KCND2: variants seen among roughly 807,000 people sequenced by gnomAD.
KCND2 encodes potassium voltage-gated channel subfamily D member 2.
In KCND2, 16 loss-of-function variants were observed where a neutral mutation model predicts 54.4. The ratio of observed to expected loss-of-function variants is 0.29; its 90% CI spans 0.20 to 0.45. The LOEUF (loss-of-function observed/expected upper bound fraction) is 0.45. Ranked by LOEUF, KCND2 falls within the 20% of genes least tolerant of loss-of-function variation. KCND2 has a pLI of 1.00. For missense variants in KCND2, 486 were observed against 824.2 expected (o/e 0.59, Z 5.02); for synonymous variants, 317 against 310.7 (o/e 1.02, Z -0.21).
intron 1 of KCND2, among the ~76,000 whole-genome samples, chr7:120,477,470 A>C (rs1274559198): frequency 3.9e-5 from 6 of 152,184 alleles, no homozygotes; most frequent in Non-Finnish European, 8.8e-5. Context: ...ATTAATCTAA[A>C]GAAAAAATTC....
chr7:120,432,485 A>G (rs1471381419), intron 1 of KCND2, among the ~76,000 whole-genome samples: 1 of 146,930 alleles, frequency 6.8e-6, no homozygotes, highest in Non-Finnish European at 1.5e-5. Flanking sequence ...ATGTGTTTGC[A>G]TGTATGTGAA....
chr7:120,592,378 C>G (rs13227896), intron 1 of KCND2, among the ~76,000 whole-genome samples: 107,612 of 151,838 alleles, frequency 0.71, 39,940 homozygotes, highest in Middle Eastern at 0.89. Flanking sequence ...ATGGTGACAC[C>G]CCATCTCTAA....
chr7:120,465,143 G>A (rs1802348911), intron 1 of KCND2, among the ~76,000 whole-genome samples: 1 of 152,142 alleles, frequency 6.6e-6, no homozygotes, highest in Admixed American at 6.6e-5. Flanking sequence ...TAATTTGGAG[G>A]AAAGGACAGA....
intron 1 of KCND2, among the ~76,000 whole-genome samples, chr7:120,478,891 A>G (rs1228145024): frequency 2.0e-5 from 3 of 152,206 alleles, no homozygotes; most frequent in Non-Finnish European, 4.4e-5. Flanking sequence ...TAATTTAATA[A>G]TATGGTAAAC....
chr7:120,336,482 A>T (rs1335573073), intron 1 of KCND2, among the ~76,000 whole-genome samples: 1 of 152,148 alleles, frequency 6.6e-6, no homozygotes, highest in African/African-American at 2.4e-5. Context: ...GGTTCCGTAT[A>T]TTATAGAGTT....
chr7:120,738,724 C>A (rs1235954487), intron 2 of KCND2, among the ~76,000 whole-genome samples: 1 of 152,020 alleles, frequency 6.6e-6, no homozygotes, highest in African/African-American at 2.4e-5. Context: ...TTTTTACCAG[C>A]AGATGGCTTT....
At chr7:120,658,788 CTA>C (rs1453449095) in intron 1 of KCND2, among the ~76,000 whole-genome samples, 21 of 152,158 alleles carry the variant, frequency 1.4e-4, no homozygotes, top group Admixed American at 6.6e-5. Context: ...CATCAAAATA[CTA>C]TGTTACATGT....
At chr7:120,404,769 G>T (rs989193464) in intron 1 of KCND2, among the ~76,000 whole-genome samples, 1 of 70,812 alleles carries the variant, frequency 1.4e-5, no homozygotes, top group Non-Finnish European at 2.7e-5. Context: ...TGATTTTTGG[G>T]GGGGGACCTT....
At chr7:120,654,770 A>C (rs919107748) in intron 1 of KCND2, among the ~76,000 whole-genome samples, 6 of 152,166 alleles carry the variant, frequency 3.9e-5, no homozygotes, top group African/African-American at 1.2e-4. Context: ...TATGGAGTAC[A>C]TAATCATTAG....
At chr7:120,503,638 C>G (rs1802970440) in intron 1 of KCND2, among the ~76,000 whole-genome samples, 1 of 151,932 alleles carries the variant, frequency 6.6e-6, no homozygotes, top group African/African-American at 2.4e-5. Context: ...ATGATGAAAG[C>G]TTGCCCACGA....
intron 1 of KCND2, among the ~76,000 whole-genome samples, chr7:120,638,455 A>G (rs567555664): frequency 1.1e-4 from 16 of 152,246 alleles, no homozygotes; most frequent in African/African-American, 3.8e-4. Context: ...GAAAAAGCAA[A>G]ATTTCCCCTG....
chr7:120,563,389 G>A (rs137963518), intron 1 of KCND2, among the ~76,000 whole-genome samples: 8 of 152,046 alleles, frequency 5.3e-5, no homozygotes, highest in East Asian at 1.9e-4. Context: ...CCCATTGCCC[G>A]CATAAATCAC....
At chr7:120,675,213 T>C (rs1792045000) in intron 1 of KCND2, among the ~76,000 whole-genome samples, 1 of 151,968 alleles carries the variant, frequency 6.6e-6, no homozygotes. Context: ...CATTCTTTAT[T>C]GAGTTTCTAC....
intron 1 of KCND2, among the ~76,000 whole-genome samples, chr7:120,651,471 A>G (rs1336471693): frequency 6.6e-6 from 1 of 152,194 alleles, no homozygotes; most frequent in Non-Finnish European, 1.5e-5. Context: ...GGAAAAGTGC[A>G]GTATTAGGGT....
At chr7:120,679,865 C>T (rs1280764516) in intron 1 of KCND2, among the ~76,000 whole-genome samples, 1 of 152,066 alleles carries the variant, frequency 6.6e-6, no homozygotes, top group African/African-American at 2.4e-5. Context: ...TTCATTTGCT[C>T]ATTTAAACAC....
intron 1 of KCND2, among the ~76,000 whole-genome samples, chr7:120,325,333 CTA>C (rs1265803531): frequency 1.5e-5 from 2 of 133,302 alleles, no homozygotes; most frequent in Non-Finnish European, 3.2e-5. Flanking sequence ...ACTTCCAACA[CTA>C]TGTTGAATAG....
chr7:120,520,264 A>C (rs530694154), intron 1 of KCND2, among the ~76,000 whole-genome samples: 9 of 152,208 alleles, frequency 5.9e-5, no homozygotes, highest in Admixed American at 1.3e-4. Flanking sequence ...TATTTGTGAT[A>C]ATCTATTTTT....
chr7:120,678,393 A>ATG (rs1436206566), intron 1 of KCND2, among the ~76,000 whole-genome samples: 2,359 of 137,374 alleles, frequency 0.017, 37 homozygotes, highest in East Asian at 0.11. Context: ...ACATATATAG[A>ATG]CACATACACA....
intron 1 of KCND2, among the ~76,000 whole-genome samples, chr7:120,461,455 G>A (rs538620140): frequency 1.3e-5 from 2 of 152,084 alleles, no homozygotes; most frequent in Admixed American, 6.6e-5. Flanking sequence ...CCCTAGCCAC[G>A]TTTCATTTTG....
Sources: gnomAD v4.1 joint callset for allele counts (sites outside exome capture counted in the v4.1 genomes callset) on GRCh38, gnomAD v4.1.1 for gene constraint, MANE v1.5 for transcripts, NCBI Gene and HGNC (gene_info 2026-07-23, HGNC 2026-07-21) for gene names.